DCC: variants seen among roughly 807,000 people sequenced by gnomAD.
DCC encodes the protein DCC netrin 1 receptor.
DCC carries 58 observed loss-of-function variants against 172.5 expected under a neutral mutation model. That is an observed-to-expected ratio of 0.34 (90% confidence interval 0.27 to 0.42). The LOEUF is 0.42. Ranked by LOEUF, DCC falls within the 10% of genes least tolerant of loss-of-function variation. DCC has a pLI of 1.00. For missense variants in DCC, 1,740 were observed against 1,791.0 expected (o/e 0.97, Z 0.51); for synonymous variants, 709 against 644.5 (o/e 1.10, Z -1.52).
At chr18:53,448,853 A>G (rs893728702) in intron 22 of DCC, among the ~76,000 whole-genome samples, 6 of 151,644 alleles carry the variant, frequency 4.0e-5, no homozygotes, top group Admixed American at 3.3e-4. Context: ...ACTCTGTCTC[A>G]AAAAAAAATC....
At chr18:53,170,070 G>A (rs893983419) in intron 8 of DCC, among the ~76,000 whole-genome samples, 2 of 152,188 alleles carry the variant, frequency 1.3e-5, no homozygotes, top group East Asian at 3.9e-4. Context: ...CTTGGGGCTA[G>A]AACTGAACAA....
intron 1 of DCC, among the ~76,000 whole-genome samples, chr18:52,739,179 A>G (rs935308981): frequency 6.6e-6 from 1 of 152,184 alleles, no homozygotes; most frequent in African/African-American, 2.4e-5. Flanking sequence ...CCACTGTCAT[A>G]CATGCAGTCC....
chr18:52,931,968 T>C (rs1352536108), intron 5 of DCC: 1 of 151,894 alleles, frequency 6.6e-6, no homozygotes, highest in African/African-American at 2.4e-5. Context: ...AAAACGAAAA[T>C]GTTATATGTA....
Position 53,428,481 on chromosome 18 carries a change from ATATT to A in DCC, c.3164-6661_3164-6658del, listed in dbSNP as rs1463397118. 8.6e-5 allele frequency among the ~76,000 whole-genome samples: 5 copies of A among 58,470 alleles called. 1 individual carries two copies. The highest frequency in any genetic ancestry group is 2.7e-4 in the African/African-American group (5 of 18,338). 38.4% of individuals were successfully genotyped at this position (58,470 alleles called of 152,430 possible). A position where few individuals can be genotyped will look rare whatever the true frequency, so the allele number is the denominator to read the frequency against. On this transcript the variant is annotated intron_variant, in intron 21 of 28. Transcript: ENST00000442544. ...ATATATATTATATAATATATAATAT[ATATT>A]TTTTATATATTTATATTGTATATTT...
At chr18:52,685,635 T>C (rs1015286184) in intron 1 of DCC, among the ~76,000 whole-genome samples, 2 of 152,164 alleles carry the variant, frequency 1.3e-5, no homozygotes, top group African/African-American at 4.8e-5. Context: ...TTTCTCTCTC[T>C]TGCTTCCTCT....
chr18:52,914,529 C>T (rs1247247220), intron 3 of DCC, among the ~76,000 whole-genome samples: 1 of 130,716 alleles, frequency 7.7e-6, no homozygotes, highest in Non-Finnish European at 1.8e-5. Flanking sequence ...TGGCTTCTTT[C>T]TCCCTCCATG....
chr18:52,499,897 A>G (rs1052705168), intron 1 of DCC, among the ~76,000 whole-genome samples: 10 of 152,110 alleles, frequency 6.6e-5, no homozygotes, highest in Admixed American at 2.0e-4. Flanking sequence ...TGTCACAATC[A>G]CAATTTAAAG....
chr18:53,518,679 C>T (rs1420994543), intron 27 of DCC, among the ~76,000 whole-genome samples: 1 of 152,094 alleles, frequency 6.6e-6, no homozygotes, highest in African/African-American at 2.4e-5. Context: ...AAGCGATGCT[C>T]ACTTAATTAG....
At chr18:53,398,038 A>G (rs1239110162) in intron 18 of DCC, among the ~76,000 whole-genome samples, 2 of 152,142 alleles carry the variant, frequency 1.3e-5, no homozygotes, top group East Asian at 1.9e-4. Context: ...CACATTTACT[A>G]TGGATCGTAA....
rs554373890 is a variant in DCC, at chr18:52,412,321, C to T, written c.91+71443C>T. Among the ~76,000 whole-genome samples, 6 of 151,900 alleles carry T rather than the reference C, an allele frequency of 3.9e-5. No homozygotes were observed. In the South Asian group the frequency reaches 1.2e-3, roughly 32 times the overall value. On this transcript the variant is annotated intron_variant, in intron 1 of 28. Coordinates refer to ENST00000442544, the MANE Select transcript of DCC (RefSeq NM_005215.4). ...TACATGACTATCATGGTTAATGTAC[C>T]CTGTTACACGGAGGATATGAGGTAA...
chr18:53,342,051 T>G (rs974790730), intron 15 of DCC, among the ~76,000 whole-genome samples: 7 of 152,056 alleles, frequency 4.6e-5, no homozygotes, highest in Non-Finnish European at 1.0e-4. Flanking sequence ...AAGCATAGGG[T>G]CAGCCATAAC....
intron 1 of DCC, among the ~76,000 whole-genome samples, chr18:52,342,052 T>C (rs560561035): frequency 6.3e-4 from 96 of 152,236 alleles, no homozygotes; most frequent in African/African-American, 2.3e-3. Flanking sequence ...GCTCCGGCTT[T>C]CTCTTCTCTG....
intron 1 of DCC, among the ~76,000 whole-genome samples, chr18:52,389,359 A>G (rs1261329541): frequency 6.6e-6 from 1 of 152,138 alleles, no homozygotes; most frequent in Non-Finnish European, 1.5e-5. Flanking sequence ...TATTTCTACT[A>G]AGAAATTAGT....
At chr18:52,587,100 G>T (rs2033692139) in intron 1 of DCC, among the ~76,000 whole-genome samples, 1 of 152,198 alleles carries the variant, frequency 6.6e-6, no homozygotes, top group African/African-American at 2.4e-5. Context: ...ACAAACCTCT[G>T]CCCTTTCCAT....
At chr18:52,755,370 G>T (rs550198121) in intron 2 of DCC, among the ~76,000 whole-genome samples, 1 of 152,332 alleles carries the variant, frequency 6.6e-6, no homozygotes, top group South Asian at 2.1e-4. Context: ...AAATGAAGAA[G>T]AGTTCCTTCG....
At chr18:52,967,732 C>T (rs2040958767) in intron 5 of DCC, among the ~76,000 whole-genome samples, 1 of 152,026 alleles carries the variant, frequency 6.6e-6, no homozygotes, top group Non-Finnish European at 1.5e-5. Flanking sequence ...ATGTTTGCCT[C>T]CTGATAACTT....
Position 53,532,686 on chromosome 18 carries a change from C to T in DCC, c.*2033C>T, listed in dbSNP as rs969374604. The T allele has an allele frequency of 2.0e-5, 3 of 152,086 alleles. No individual in the cohort carries two copies. Among genetic ancestry groups the T allele is most frequent in the African/African-American group, 7.2e-5 (3 of 41,428 alleles). The allele number at this position is 152,086 out of a possible 1,614,324, so 9.4% of individuals were successfully genotyped here. ...TATTACCTCCCCTTTCTAATTCTAG[C>T]AAACATGGAACATTCTCCTTAGGCA... On this transcript the variant is annotated 3_prime_UTR_variant, in exon 29 of 29. Coordinates refer to ENST00000442544, the MANE Select transcript of DCC (RefSeq NM_005215.4).
At chr18:52,349,205 T>G (rs1478493844) in intron 1 of DCC, among the ~76,000 whole-genome samples, 1 of 152,146 alleles carries the variant, frequency 6.6e-6, no homozygotes, top group Non-Finnish European at 1.5e-5. Context: ...TGTTTGGGTT[T>G]ATAATTTTTT....
chr18:52,823,434 T>C (rs1048850764), intron 2 of DCC, among the ~76,000 whole-genome samples: 3 of 152,218 alleles, frequency 2.0e-5, no homozygotes, highest in African/African-American at 7.2e-5. Context: ...AATGTATTAA[T>C]AGTGTGATCT....
Sources: allele counts gnomAD v4.1 joint callset (sites outside exome capture counted in the v4.1 genomes callset), GRCh38; gene constraint gnomAD v4.1.1; transcripts MANE v1.5; gene names NCBI Gene and HGNC (gene_info 2026-07-23, HGNC 2026-07-21).